Variants in PTPRT observed in about 807,000 individuals in gnomAD.
PTPRT encodes the protein receptor-type tyrosine-protein phosphatase T.
PTPRT carries 56 observed loss-of-function variants against 176.8 expected under a neutral mutation model. The ratio of observed to expected loss-of-function variants is 0.32; its 90% CI spans 0.26 to 0.40. The LOEUF (loss-of-function observed/expected upper bound fraction) is 0.40. Among genes scored for constraint, PTPRT ranks in the 10% least tolerant of loss-of-function variants. PTPRT has a pLI of 1.00. For missense variants in PTPRT, 1,540 were observed against 1,908.2 expected, an observed-to-expected ratio of 0.81 and a Z score of 3.60; for synonymous variants, 783 against 739.0, an observed-to-expected ratio of 1.06 and a Z score of -0.96.
intron 9 of PTPRT, among the ~76,000 whole-genome samples, chr20:42,436,326 T>C (rs1269936313): frequency 6.6e-6 from 1 of 152,120 alleles, no homozygotes; most frequent in Non-Finnish European, 1.5e-5. Flanking sequence ...ACTGGCAAAA[T>C]ATTATCAAAA....
intron 9 of PTPRT, among the ~76,000 whole-genome samples, chr20:42,443,420 C>T (rs2145839046): frequency 6.6e-6 from 1 of 152,344 alleles, no homozygotes; most frequent in African/African-American, 2.4e-5. Flanking sequence ...GCCGTTGGTG[C>T]TGCCTCTATC....
chr20:42,049,051 C>G, the PTPRT span, among the ~76,000 whole-genome samples: 1 of 152,166 alleles, frequency 6.6e-6, no homozygotes, highest in Non-Finnish European at 1.5e-5. Context: ...AACTCCTGAT[C>G]TCAGGTGGTC....
the PTPRT span, among the ~76,000 whole-genome samples, chr20:42,067,296 G>C: frequency 1.3e-5 from 2 of 152,196 alleles, no homozygotes; most frequent in Admixed American, 1.3e-4. Context: ...GGAGAGGTTT[G>C]TATCGGCATT....
At chr20:42,981,066 G>A (rs1245850238) in intron 1 of PTPRT, among the ~76,000 whole-genome samples, 2 of 152,176 alleles carry the variant, frequency 1.3e-5, no homozygotes, top group Admixed American at 6.5e-5. Flanking sequence ...GATGGCCTGA[G>A]AATTCCAGCT....
chr20:43,129,501 T>G (rs976887930), intron 1 of PTPRT, among the ~76,000 whole-genome samples: 10 of 152,178 alleles, frequency 6.6e-5, no homozygotes, highest in African/African-American at 2.4e-4. Flanking sequence ...AAAAAGTGAC[T>G]GATGTGTGAT....
At chr20:42,749,877 C>T (rs898944341) in intron 6 of PTPRT, among the ~76,000 whole-genome samples, 1 of 152,116 alleles carries the variant, frequency 6.6e-6, no homozygotes, top group Non-Finnish European at 1.5e-5. Flanking sequence ...GAGAGCAAAA[C>T]GGGACCAGCC....
At chr20:42,426,766 C>T (rs6065476) in intron 9 of PTPRT, among the ~76,000 whole-genome samples, 1,547 of 152,270 alleles carry the variant, frequency 0.01, 21 homozygotes, top group Middle Eastern at 0.027. Context: ...AGTGGCTGAA[C>T]GGATGAGTCA....
At chr20:42,873,418 A>G (rs1447741823) in intron 2 of PTPRT, among the ~76,000 whole-genome samples, 1 of 152,220 alleles carries the variant, frequency 6.6e-6, no homozygotes, top group Non-Finnish European at 1.5e-5. Context: ...AATGCTAGCT[A>G]TTACTATTCT....
At chr20:42,771,950 G>A (rs1434319234) in intron 4 of PTPRT, among the ~76,000 whole-genome samples, 32 of 152,192 alleles carry the variant, frequency 2.1e-4, no homozygotes, top group Admixed American at 2.1e-3. Flanking sequence ...TTCTGGGGTT[G>A]GCATTGCACA....
At chr20:42,412,686 T>G (rs1028447406) in intron 9 of PTPRT, among the ~76,000 whole-genome samples, 6 of 152,158 alleles carry the variant, frequency 3.9e-5, no homozygotes, top group Admixed American at 3.9e-4. Context: ...CTGTGATATA[T>G]TCATACAATC....
intron 1 of PTPRT, among the ~76,000 whole-genome samples, chr20:43,160,579 G>T (rs751019358): frequency 6.6e-6 from 1 of 152,092 alleles, no homozygotes; most frequent in South Asian, 2.1e-4. Context: ...AGCTCAAAGG[G>T]CTTATCAATA....
chr20:43,166,684 A>G (rs2014867758), intron 1 of PTPRT, among the ~76,000 whole-genome samples: 1 of 152,216 alleles, frequency 6.6e-6, no homozygotes, highest in Non-Finnish European at 1.5e-5. Flanking sequence ...TTATAATGTA[A>G]GAAAAAACTG....
intron 12 of PTPRT, among the ~76,000 whole-genome samples, chr20:42,313,548 T>C (rs905943593): frequency 1.3e-5 from 2 of 152,184 alleles, no homozygotes; most frequent in African/African-American, 4.8e-5. Context: ...TTCTAGGTTT[T>C]CTGAGTATCT....
chr20:42,553,972 C>G (rs62203775), intron 7 of PTPRT, among the ~76,000 whole-genome samples: 4,184 of 152,110 alleles, frequency 0.028, 110 homozygotes, highest in South Asian at 0.098. Context: ...GCAGGGACAG[C>G]AGAGTAGAAA....
In PTPRT at chr20:42,399,718, C is replaced by G. The variant is rs566410157; in HGVS notation, c.1561-47433G>C. On this transcript the variant is annotated intron_variant, in intron 9 of 30. Transcript: ENST00000373187. ...AGAGAGGCTCCTTTTTTCCTAGCAG[C>G]CAAATTGTTTTGAGACTATTGCTGT... Among the ~76,000 whole-genome samples, 6 of 152,208 alleles carry G rather than the reference C, an allele frequency of 3.9e-5. No individual in the cohort carries two copies. In the South Asian group the frequency reaches 1.0e-3, roughly 26 times the overall value.
At chr20:42,694,000 C>T (rs2075830398) in intron 6 of PTPRT, among the ~76,000 whole-genome samples, 1 of 151,388 alleles carries the variant, frequency 6.6e-6, no homozygotes, top group Non-Finnish European at 1.5e-5. Flanking sequence ...CCATCATACC[C>T]TGGAAATTAC....
downstream of PTPRT, among the ~76,000 whole-genome samples, chr20:42,071,442 A>G (rs1234345701): frequency 6.6e-6 from 1 of 152,066 alleles, no homozygotes. Context: ...TGCTTGCCTA[A>G]TTTTAGCATG....
rs535598929 is a variant in PTPRT at position 42,257,045 on chromosome 20, C to G, written c.2177-8223G>C. Among the ~76,000 whole-genome samples the G allele has an allele frequency of 3.3e-5, 5 of 152,318 alleles. No homozygotes were observed. The South Asian group carries it at 8.3e-4, about 25-fold the overall frequency. On this transcript the variant is annotated intron_variant, in intron 13 of 30. Transcript: ENST00000373187. ...CATGCGGGTCCCATGCAGGGGTCAC[C>G]TACATGCCCAGGAGCATAGGGCAAC...
At chr20:42,905,521 G>A (rs1380582063) in intron 1 of PTPRT, among the ~76,000 whole-genome samples, 4 of 152,160 alleles carry the variant, frequency 2.6e-5, no homozygotes, top group Non-Finnish European at 5.9e-5. Flanking sequence ...ATTCCTCAAG[G>A]ATCTAGAACT....
Sources: gnomAD v4.1 joint callset for allele counts (sites outside exome capture counted in the v4.1 genomes callset) on GRCh38, gnomAD v4.1.1 for gene constraint, MANE v1.5 for transcripts, NCBI Gene and HGNC (gene_info 2026-07-23, HGNC 2026-07-21) for gene names.